ZNF705G: variants seen among roughly 807,000 people sequenced by gnomAD.
ZNF705G encodes zinc finger protein 705G.
A neutral mutation model predicts 19.6 loss-of-function variants in ZNF705G; 23 were observed. That is an observed-to-expected ratio of 1.17 (90% CI 0.84 to 1.66). The LOEUF (loss-of-function observed/expected upper bound fraction) is 1.66. ZNF705G is among the 40% of genes most tolerant of loss of function. The pLI is 0.00. For synonymous variants in ZNF705G, 146 were observed against 117.7 expected (o/e 1.24, Z -1.56); for missense variants, 457 against 354.4 (o/e 1.29, Z -2.32).
chr8:7,359,108 C>T (rs771134440), intron 6 of ZNF705G, among the ~76,000 whole-genome samples: 1 of 149,582 alleles, frequency 6.7e-6, no homozygotes, highest in Non-Finnish European at 1.5e-5. Context: ...TTCTACCCAC[C>T]TTTTACATGA....
rs879843685 is a variant in ZNF705G, at chr8:7,356,758, C to T, written c.*1218G>A. On this transcript the variant is annotated 3_prime_UTR_variant, in exon 7 of 7. Transcript: ENST00000400156. ...GCAGGTGCAAATCCATTTGTTAGGG[C>T]CGCATAAATGAAACAAGGGCTTTGC... 6 of 149,638 alleles carry T rather than the reference C, an allele frequency of 4.0e-5. No individual in the cohort carries two copies. Among genetic ancestry groups the T allele is most frequent in the African/African-American group, 7.7e-5 (3 of 39,004 alleles). The allele number at this position is 149,638 out of a possible 1,614,324, so 9.3% of individuals were successfully genotyped here.
rs1806394328 is a variant in ZNF705G, at chr8:7,358,439, T to G, written c.440A>C (p.Lys147Thr). 1 of 1,607,024 alleles carries G rather than the reference T, an allele frequency of 6.2e-7. No homozygotes were observed. Among genetic ancestry groups the G allele is most frequent in the Non-Finnish European group, 8.5e-7 (1 of 1,178,966 alleles). Residue 147 changes from lysine to threonine, a missense_variant, in exon 7 of 7, where the codon AAA becomes ACA. By Grantham distance (78) the Lys-to-Thr change is moderately conservative. Transcript: ENST00000400156. ...ATTACGAAGGGATTTTCCACACTGT[T>G]TGCTGACATAGGGTTTCTTTCCACT... ...THSGKKPYVS[K>T]QCGKSLRNLL...
At chr8:7,380,284 C>T (rs1380312964) in intron 2 of ZNF705G, among the ~76,000 whole-genome samples, 1 of 146,136 alleles carries the variant, frequency 6.8e-6, no homozygotes, top group Non-Finnish European at 1.5e-5. Flanking sequence ...CCCATCCCAC[C>T]CATTGCTGTC....
intron 2 of ZNF705G, among the ~76,000 whole-genome samples, chr8:7,369,157 T>A (rs374597364): frequency 6.7e-6 from 1 of 149,456 alleles, no homozygotes; most frequent in African/African-American, 2.6e-5. Context: ...ACTGCCCCCA[T>A]GATTCAGTTA....
chr8:7,365,859 A>AGGAACTTAAGGAACTTTTAC, intron 2 of ZNF705G, among the ~76,000 whole-genome samples: 1 of 149,698 alleles, frequency 6.7e-6, no homozygotes, highest in Admixed American at 6.6e-5. Context: ...CAACAAAACC[A>AGGAACTTAAGGAACTTTTAC]TGTTCTCCAA....
chr8:7,356,413 A>G lies in ZNF705G; in HGVS notation c.*1563T>C, dbSNP rs1357946090. 1 of 149,858 alleles carries G rather than the reference A, an allele frequency of 6.7e-6. No homozygotes were observed. Among genetic ancestry groups the G allele is most frequent in the Non-Finnish European group, 1.5e-5 (1 of 68,186 alleles). 9.3% of individuals were successfully genotyped at this position (149,858 alleles called of 1,614,324 possible). On this transcript the variant is annotated 3_prime_UTR_variant, in exon 7 of 7. Transcript: ENST00000400156. ...AAATTTCAAGAGTCTTCTGAGGGAT[A>G]GAAGAGAAGAGCTGCCTTATTCTCT...
At chr8:7,364,164 C>T (rs1483844704) in intron 2 of ZNF705G, among the ~76,000 whole-genome samples, 2 of 149,432 alleles carry the variant, frequency 1.3e-5, no homozygotes, top group African/African-American at 5.1e-5. Context: ...ATACCGATGT[C>T]CATGTATACA....
chr8:7,375,973 ACTAATCTCTTATGACTCTTCCAGCTG>A (rs1232763969), intron 2 of ZNF705G, among the ~76,000 whole-genome samples: 1 of 83,534 alleles, frequency 1.2e-5, no homozygotes, highest in Non-Finnish European at 2.3e-5. Flanking sequence ...TCTACACTAT[ACTAATCTCTTATGACTCTTCCAGCTG>A]CAAAGGGCCA....
chr8:7,358,898 T>A (rs191799815), intron 6 of ZNF705G, among the ~76,000 whole-genome samples: 1 of 149,444 alleles, frequency 6.7e-6, no homozygotes, highest in Non-Finnish European at 1.5e-5. Flanking sequence ...TGCAAACTGA[T>A]AACTTTTCTT....
intron 2 of ZNF705G, among the ~76,000 whole-genome samples, chr8:7,367,046 A>C (rs540070350): frequency 6.7e-6 from 1 of 149,710 alleles, no homozygotes; most frequent in Non-Finnish European, 1.5e-5. Flanking sequence ...AGAATCTTGG[A>C]GGAGGCAGTT....
chr8:7,356,964 A>G lies in ZNF705G; in HGVS notation c.*1012T>C, dbSNP rs1408927053. On this transcript the variant is annotated 3_prime_UTR_variant, in exon 7 of 7. Coordinates refer to ENST00000400156, the MANE Select transcript of ZNF705G (RefSeq NM_001164457.3). Reference sequence around the variant, plus strand: ...GAATAGATATTTTCTCAAATTTCTGAATTATTTTGCTAAAGTATGTGTTAA... The same window carrying G: ...GAATAGATATTTTCTCAAATTTCTGGATTATTTTGCTAAAGTATGTGTTAA... 3 of 149,722 alleles carry G rather than the reference A, an allele frequency of 2.0e-5. No homozygotes were observed. Among genetic ancestry groups the G allele is most frequent in the Non-Finnish European group, 4.4e-5 (3 of 68,024 alleles). 9.3% of individuals were successfully genotyped at this position (149,722 alleles called of 1,614,324 possible). A position where few individuals can be genotyped will look rare whatever the true frequency, so the allele number is the denominator to read the frequency against.
At chr8:7,385,378 A>G (rs1313441193) in intron 1 of ZNF705G, 120 bp downstream of exon 1, 10 of 148,942 alleles carry the variant, frequency 6.7e-5, no homozygotes, top group East Asian at 1.9e-4. Flanking sequence ...ACTAGAAAGT[A>G]AAGTGGAGGC....
In ZNF705G at chr8:7,356,408, G is replaced by A. The variant is rs1292917677; in HGVS notation, c.*1568C>T. The A allele has an allele frequency of 6.7e-6, 1 of 149,820 alleles. No individual in the cohort carries two copies. The highest frequency in any genetic ancestry group is 2.6e-5 in the African/African-American group (1 of 38,976). 9.3% of individuals were successfully genotyped at this position (149,820 alleles called of 1,614,324 possible). ...GGACAAAATTTCAAGAGTCTTCTGA[G>A]GGATAGAAGAGAAGAGCTGCCTTAT... is the stretch of plus-strand genomic sequence containing the variant. On this transcript the variant is annotated 3_prime_UTR_variant, in exon 7 of 7. Transcript: ENST00000400156.
rs10094171 is a variant in ZNF705G, at chr8:7,366,552, G to A, written c.-71-3535C>T. The stretch of plus-strand genomic sequence containing the variant: ...GAAATCTATTTTAAAGAAACTTGGC[G>A]CAATTTTTAAAGTACATGATGAAAA... On this transcript the variant is annotated intron_variant, in intron 2 of 6. Coordinates refer to ENST00000400156, the MANE Select transcript of ZNF705G (RefSeq NM_001164457.3). Among the ~76,000 whole-genome samples, 821 of 149,530 alleles carry A rather than the reference G, an allele frequency of 5.5e-3. 83 individuals are homozygous for A. Among genetic ancestry groups the A allele is most frequent in the African/African-American group, 0.019 (752 of 38,988 alleles).
At chr8:7,359,515 T>A in intron 6 of ZNF705G, 104 bp downstream of exon 6, 1 of 1,559,214 alleles carries the variant, frequency 6.4e-7, no homozygotes, top group Non-Finnish European at 8.6e-7. Context: ...AGAAAACACT[T>A]AATGCCAGCT....
At chr8:7,374,259 A>G (rs75263993) in intron 2 of ZNF705G, among the ~76,000 whole-genome samples, 1,645 of 63,640 alleles carry the variant, frequency 0.026, 83 homozygotes, top group African/African-American at 0.046. Flanking sequence ...CTGAATTCCT[A>G]TCTCACTAGT....
Position 7,357,746 on chromosome 8 carries a change from G to A in ZNF705G, c.*230C>T. The stretch of plus-strand genomic sequence containing the variant: ...ATTACAGTATTTCTTCAAAATGTGA[G>A]TCCTTTGGCATGTTTAGATGCTACA... On this transcript the variant is annotated 3_prime_UTR_variant, in exon 7 of 7. Coordinates refer to ENST00000400156, the MANE Select transcript of ZNF705G (RefSeq NM_001164457.3). 3.9e-6 allele frequency: 3 copies of A among 760,318 alleles called. 1 individual carries two copies. Among genetic ancestry groups the A allele is most frequent in the African/African-American group, 3.9e-5 (2 of 50,994 alleles). The allele number at this position is 760,318 out of a possible 1,614,324, so 47.1% of individuals were successfully genotyped here. A position where few individuals can be genotyped will look rare whatever the true frequency, so the allele number is the denominator to read the frequency against.
At chr8:7,359,090 A>T (rs1295840353) in intron 6 of ZNF705G, among the ~76,000 whole-genome samples, 1 of 149,622 alleles carries the variant, frequency 6.7e-6, no homozygotes, top group Non-Finnish European at 1.5e-5. Context: ...TGCATGAATG[A>T]CTATTTTTTC....
intron 2 of ZNF705G, among the ~76,000 whole-genome samples, chr8:7,366,313 C>G (rs1431279751): frequency 1.3e-5 from 2 of 149,336 alleles, no homozygotes; most frequent in Non-Finnish European, 2.9e-5. Context: ...TAAAATTATT[C>G]TAAGGTTTTA....
Sources: gnomAD v4.1 joint callset for allele counts (sites outside exome capture counted in the v4.1 genomes callset) on GRCh38, gnomAD v4.1.1 for gene constraint, MANE v1.5 for transcripts, NCBI Gene and HGNC (gene_info 2026-07-23, HGNC 2026-07-21) for gene names.